Variants in SLCO6A1 observed in about 807,000 individuals in gnomAD.
SLCO6A1 encodes the protein solute carrier organic anion transporter family member 6A1.
SLCO6A1 carries 65 observed loss-of-function variants against 72.7 expected under a neutral mutation model. The ratio of observed to expected loss-of-function variants is 0.89; its 90% CI spans 0.73 to 1.10. The LOEUF (loss-of-function observed/expected upper bound fraction) is 1.10, where lower values mean the gene tolerates loss of function less well. SLCO6A1 is among the 50% of genes least tolerant of loss of function. The pLI, the probability that SLCO6A1 is intolerant of heterozygous loss-of-function variation, is 0.00. For synonymous variants in SLCO6A1, 314 were observed against 298.2 expected, an observed-to-expected ratio of 1.05 and a Z score of -0.55; for missense variants, 874 against 872.6, an observed-to-expected ratio of 1.00 and a Z score of -0.02.
At chr5:102,381,635 T>G (rs1580322679) in intron 12 of SLCO6A1, among the ~76,000 whole-genome samples, 1 of 151,782 alleles carries the variant, frequency 6.6e-6, no homozygotes, top group African/African-American at 2.4e-5. Context: ...ATTTCTAATT[T>G]TTTGAGAACT....
At chr5:102,493,048 C>G (rs1183125009) in intron 1 of SLCO6A1, among the ~76,000 whole-genome samples, 2 of 152,012 alleles carry the variant, frequency 1.3e-5, no homozygotes, top group Non-Finnish European at 2.9e-5. Context: ...CACATGTACC[C>G]TAGAACTTAA....
chr5:102,391,164 T>C, intron 10 of SLCO6A1, 119 bp from the exon 11 acceptor site: 1 of 916,440 alleles, frequency 1.1e-6, no homozygotes. Flanking sequence ...TAAGAATCTT[T>C]AGCCAATTGA....
chr5:102,382,521 A>C (rs778652025), intron 12 of SLCO6A1, among the ~76,000 whole-genome samples: 1 of 151,430 alleles, frequency 6.6e-6, no homozygotes, highest in Admixed American at 6.6e-5. Context: ...TGCTGTGAAA[A>C]ATGTCATTGG....
intron 1 of SLCO6A1, among the ~76,000 whole-genome samples, chr5:102,484,648 C>CA (rs920563371): frequency 3.1e-4 from 44 of 139,828 alleles, no homozygotes; most frequent in South Asian, 2.1e-3. Context: ...GAGACTCTGT[C>CA]AAAAAAAAAA....
At chr5:102,468,459 A>T (rs1751421188) in intron 4 of SLCO6A1, among the ~76,000 whole-genome samples, 1 of 151,978 alleles carries the variant, frequency 6.6e-6, no homozygotes, top group East Asian at 1.9e-4. Flanking sequence ...TTGTGTTGTC[A>T]TCTATCTCAT....
At chr5:102,481,486 C>T (rs74419265) in intron 1 of SLCO6A1, among the ~76,000 whole-genome samples, 2,295 of 152,296 alleles carry the variant, frequency 0.015, 23 homozygotes, top group African/African-American at 0.026. Flanking sequence ...GATTCACTTG[C>T]AGCATGTAAG....
intron 10 of SLCO6A1, among the ~76,000 whole-genome samples, chr5:102,397,323 A>T (rs997650231): frequency 2.0e-5 from 3 of 152,078 alleles, no homozygotes; most frequent in Non-Finnish European, 4.4e-5. Flanking sequence ...GGGGTGGAGC[A>T]TTGGCCAAGC....
chr5:102,415,803 A>C (rs1396340702), intron 8 of SLCO6A1, among the ~76,000 whole-genome samples: 1 of 152,154 alleles, frequency 6.6e-6, no homozygotes, highest in Admixed American at 6.6e-5. Context: ...TTTTCAAGCT[A>C]TCCATCCAAC....
intron 4 of SLCO6A1, among the ~76,000 whole-genome samples, chr5:102,464,343 A>G (rs1751206361): frequency 6.6e-6 from 1 of 152,196 alleles, no homozygotes; most frequent in African/African-American, 2.4e-5. Context: ...TATTTGTCAT[A>G]GGTCTAGCAA....
At chr5:102,406,544 A>G (rs943964841) in intron 9 of SLCO6A1, among the ~76,000 whole-genome samples, 3 of 152,112 alleles carry the variant, frequency 2.0e-5, no homozygotes, top group African/African-American at 7.2e-5. Flanking sequence ...ATACAACATT[A>G]TAAGCCATAC....
intron 4 of SLCO6A1, among the ~76,000 whole-genome samples, chr5:102,470,406 G>A (rs1751546083): frequency 6.6e-6 from 1 of 152,054 alleles, no homozygotes; most frequent in South Asian, 2.1e-4. Flanking sequence ...ATGTCTCCAG[G>A]AATTTATCCA....
intron 2 of SLCO6A1, among the ~76,000 whole-genome samples, chr5:102,478,319 A>T (rs1752018535): frequency 6.6e-6 from 1 of 152,144 alleles, no homozygotes; most frequent in Non-Finnish European, 1.5e-5. Context: ...ATTCCTCTTA[A>T]ATTTGGCATC....
intron 7 of SLCO6A1, among the ~76,000 whole-genome samples, chr5:102,423,190 C>T (rs948655459): frequency 3.3e-5 from 5 of 152,028 alleles, no homozygotes; most frequent in African/African-American, 9.7e-5. Context: ...TCATGACCAA[C>T]AACACTATGA....
chr5:102,481,564 A>G (rs1199337752), intron 1 of SLCO6A1, among the ~76,000 whole-genome samples: 2 of 152,208 alleles, frequency 1.3e-5, no homozygotes, highest in Admixed American at 6.5e-5. Context: ...CCTTGCAAAT[A>G]GGAGTGAGTA....
intron 9 of SLCO6A1, 59 bp downstream of exon 9, chr5:102,412,925 AATAATT>A (rs1748066756): frequency 1.4e-6 from 1 of 711,340 alleles, no homozygotes; most frequent in South Asian, 6.4e-5. Context: ...GCATAAAAAT[AATAATT>A]ATAATATAAT....
intron 6 of SLCO6A1, among the ~76,000 whole-genome samples, chr5:102,443,364 T>C (rs2112696950): frequency 6.6e-6 from 1 of 152,332 alleles, no homozygotes; most frequent in South Asian, 2.1e-4. Context: ...AATGGCCCTT[T>C]GTACTTTTAT....
At chr5:102,478,096 G>C (rs1752005303) in intron 2 of SLCO6A1, among the ~76,000 whole-genome samples, 1 of 152,018 alleles carries the variant, frequency 6.6e-6, no homozygotes, top group Non-Finnish European at 1.5e-5. Context: ...CCAGCTACTA[G>C]GAAAGGTGAA....
chr5:102,496,101 G>A (rs75700173), intron 1 of SLCO6A1, among the ~76,000 whole-genome samples: 8,241 of 152,258 alleles, frequency 0.054, 733 homozygotes, highest in African/African-American at 0.19. Flanking sequence ...CTGCCTGTGA[G>A]GAACGATGGT....
chr5:102,382,790 A>G (rs1041152887), intron 12 of SLCO6A1, among the ~76,000 whole-genome samples: 23 of 151,200 alleles, frequency 1.5e-4, no homozygotes, highest in African/African-American at 5.6e-4. Flanking sequence ...AGTTCTTGTT[A>G]GTTGTAGAAC....
Sources: allele counts gnomAD v4.1 joint callset (sites outside exome capture counted in the v4.1 genomes callset), GRCh38; gene constraint gnomAD v4.1.1; transcripts MANE v1.5; gene names NCBI Gene and HGNC (gene_info 2026-07-23, HGNC 2026-07-21).